ANKFN1: variants seen among roughly 807,000 people sequenced by gnomAD.
ANKFN1 encodes the protein ankyrin repeat and fibronectin type-III domain-containing protein 1.
Under a neutral mutation model 108.7 loss-of-function variants are expected in ANKFN1, and 74 were observed. The ratio of observed to expected loss-of-function variants is 0.68; its 90% confidence interval spans 0.56 to 0.83. ANKFN1 has a LOEUF of 0.83. Among genes scored for constraint, ANKFN1 ranks in the 40% least tolerant of loss-of-function variants. The pLI is 0.00. For missense variants in ANKFN1, 1,505 were observed against 1,382.3 expected (o/e 1.09, Z -1.41); for synonymous variants, 547 against 516.2 (o/e 1.06, Z -0.81).
At chr17:56,129,393 A>G (rs559898765) in intron 4 of ANKFN1, among the ~76,000 whole-genome samples, 1 of 152,284 alleles carries the variant, frequency 6.6e-6, no homozygotes, top group South Asian at 2.1e-4. Flanking sequence ...AGTAATTCAG[A>G]AAATGGTGTA....
At chr17:56,075,226 A>T (rs750004373) in intron 4 of ANKFN1, among the ~76,000 whole-genome samples, 1 of 152,208 alleles carries the variant, frequency 6.6e-6, no homozygotes, top group Non-Finnish European at 1.5e-5. Flanking sequence ...GACAAGCCAC[A>T]TAACCATGAG....
At chr17:56,121,316 T>A (rs1176641794) in intron 4 of ANKFN1, among the ~76,000 whole-genome samples, 2 of 152,094 alleles carry the variant, frequency 1.3e-5, no homozygotes, top group Admixed American at 6.5e-5. Context: ...CAGTTGAACG[T>A]CTTTCAGAGA....
At chr17:56,441,897 G>T (rs1382350015) in intron 9 of ANKFN1, among the ~76,000 whole-genome samples, 4 of 151,492 alleles carry the variant, frequency 2.6e-5, no homozygotes, top group African/African-American at 7.3e-5. Flanking sequence ...TCTCTACAAA[G>T]ATGTGCTTTT....
intron 10 of ANKFN1, among the ~76,000 whole-genome samples, chr17:56,445,576 T>C (rs761943929): frequency 6.6e-6 from 1 of 152,184 alleles, no homozygotes; most frequent in African/African-American, 2.4e-5. Flanking sequence ...GAAGGAACAA[T>C]ATAAAAACAC....
chr17:56,446,068 T>C (rs1450660306), intron 10 of ANKFN1, among the ~76,000 whole-genome samples: 1 of 152,210 alleles, frequency 6.6e-6, no homozygotes, highest in Non-Finnish European at 1.5e-5. Flanking sequence ...TGAGAAAAAC[T>C]CATTCTTTCC....
At chr17:56,211,740 T>C (rs1915029312) in intron 1 of ANKFN1, among the ~76,000 whole-genome samples, 1 of 152,234 alleles carries the variant, frequency 6.6e-6, no homozygotes, top group African/African-American at 2.4e-5. Context: ...TCCATGAGCA[T>C]GTGATGTGTT....
chr17:56,323,971 T>C (rs1304447084), intron 3 of ANKFN1, among the ~76,000 whole-genome samples: 1 of 152,190 alleles, frequency 6.6e-6, no homozygotes, highest in African/African-American at 2.4e-5. Context: ...GCCTAGGGGC[T>C]AGAAAAATAT....
intron 8 of ANKFN1, among the ~76,000 whole-genome samples, chr17:56,425,886 G>T (rs1339500891): frequency 6.6e-6 from 1 of 152,170 alleles, no homozygotes; most frequent in Non-Finnish European, 1.5e-5. Flanking sequence ...TGTAGGATAA[G>T]ATTTGAGCTT....
At chr17:56,121,953 T>TCG (rs776847727) in intron 4 of ANKFN1, among the ~76,000 whole-genome samples, 43 of 152,092 alleles carry the variant, frequency 2.8e-4, no homozygotes, top group Non-Finnish European at 4.7e-4. Flanking sequence ...CAGGGGTTGC[T>TCG]GGGGGGAGGT....
chr17:56,215,535 G>T (rs543360862), intron 2 of ANKFN1, among the ~76,000 whole-genome samples: 2 of 152,350 alleles, frequency 1.3e-5, no homozygotes, highest in African/African-American at 4.8e-5. Flanking sequence ...CGAGAAGAAA[G>T]AATCTGATTG....
rs1231277528 is a variant in ANKFN1, at chr17:56,372,062, C to T, written c.602-584C>T. Among the ~76,000 whole-genome samples, 6 of 152,092 alleles carry T rather than the reference C, an allele frequency of 3.9e-5. No homozygotes were observed. The East Asian group carries it at 5.8e-4, about 15-fold the overall frequency. On this transcript the variant is annotated intron_variant, in intron 6 of 20. Transcript: ENST00000682825. Reference sequence around the variant, plus strand: ...ACTAGCTCAACTGTGGCAGCAGTAGCGGAACTCTTTGTAAGCAATAAATAC... The same window carrying T: ...ACTAGCTCAACTGTGGCAGCAGTAGTGGAACTCTTTGTAAGCAATAAATAC...
chr17:56,216,211 T>C (rs150447836), intron 2 of ANKFN1, among the ~76,000 whole-genome samples: 3 of 152,368 alleles, frequency 2.0e-5, no homozygotes, highest in African/African-American at 7.2e-5. Context: ...ACACTGCTCA[T>C]TGATCAGCTT....
At chr17:56,271,220 G>A in intron 3 of ANKFN1, among the ~76,000 whole-genome samples, 1 of 152,096 alleles carries the variant, frequency 6.6e-6, no homozygotes, top group East Asian at 1.9e-4. Context: ...TGTTGCCCAG[G>A]CTGGTGTTGA....
At chr17:56,233,224 A>C (rs1225365394) in intron 3 of ANKFN1, among the ~76,000 whole-genome samples, 1 of 152,084 alleles carries the variant, frequency 6.6e-6, no homozygotes, top group Non-Finnish European at 1.5e-5. Context: ...AGAAACAAAA[A>C]ACAACTTTGA....
intron 2 of ANKFN1, chr17:56,224,719 C>T (rs1916133706): frequency 6.6e-6 from 1 of 152,112 alleles, no homozygotes; most frequent in African/African-American, 2.4e-5. Flanking sequence ...GAAGAATCCC[C>T]TGGTTGAGCA....
chr17:56,206,726 C>G (rs1355304249), intron 1 of ANKFN1: 2 of 152,182 alleles, frequency 1.3e-5, no homozygotes, highest in African/African-American at 2.4e-5. Flanking sequence ...GAAATTAATA[C>G]TATCCCCGTG....
At chr17:56,084,534 G>A (rs1905284834) in intron 4 of ANKFN1, among the ~76,000 whole-genome samples, 1 of 151,328 alleles carries the variant, frequency 6.6e-6, no homozygotes, top group Non-Finnish European at 1.5e-5. Context: ...GTGTGGGCTG[G>A]CTGTGTATCT....
At chr17:56,503,994 C>G (rs2051469960) in intron 20 of ANKFN1, among the ~76,000 whole-genome samples, 1 of 152,234 alleles carries the variant, frequency 6.6e-6, no homozygotes, top group Non-Finnish European at 1.5e-5. Flanking sequence ...GGAAGCTGCA[C>G]TTTGCATTCT....
intron 3 of ANKFN1, among the ~76,000 whole-genome samples, chr17:56,282,905 T>A (rs1188500404): frequency 3.3e-5 from 5 of 152,228 alleles, no homozygotes; most frequent in Non-Finnish European, 7.3e-5. Context: ...GGAAATCACA[T>A]CCTTTTTTCC....
Sources: allele counts gnomAD v4.1 joint callset (sites outside exome capture counted in the v4.1 genomes callset), GRCh38; gene constraint gnomAD v4.1.1; transcripts MANE v1.5; gene names NCBI Gene and HGNC (gene_info 2026-07-23, HGNC 2026-07-21).